Variants in STX10 observed in about 807,000 individuals in gnomAD.
STX10 encodes the protein syntaxin 10, also known as syntaxin-10.
A neutral mutation model predicts 34.1 loss-of-function variants in STX10; 35 were observed. The ratio of observed to expected loss-of-function variants is 1.03; its 90% CI spans 0.78 to 1.36. STX10 has a LOEUF of 1.36. Ranked by LOEUF, STX10 falls within the 40% of genes most tolerant of loss-of-function variation. STX10 has a pLI of 0.00. For missense variants in STX10, 361 were observed against 335.5 expected (o/e 1.08, Z -0.59); for synonymous variants, 155 against 132.9 (o/e 1.17, Z -1.15).
chr19:13,149,185 G>GT, intron 3 of STX10, 94 bp from the exon 4 acceptor site: 3 of 1,126,686 alleles, frequency 2.7e-6, no homozygotes, highest in Non-Finnish European at 3.9e-6. Flanking sequence ...ACCAAGCCGG[G>GT]TGGATCACCT....
intron 3 of STX10, 70 bp downstream of exon 3, chr19:13,149,429 A>AG: frequency 8.9e-7 from 1 of 1,129,052 alleles, no homozygotes; most frequent in Non-Finnish European, 1.3e-6. Flanking sequence ...AAAAAAAAAA[A>AG]GAAAGAAAGA....
Position 13,150,252 on chromosome 19 carries a change from G to A in STX10, c.-79C>T, listed in dbSNP as rs2020033216. 6 of 671,286 alleles carry A rather than the reference G, an allele frequency of 8.9e-6. No homozygotes were observed. In the East Asian group the frequency reaches 1.7e-4, roughly 19 times the overall value. The allele number at this position is 671,286 out of a possible 1,614,324, so 41.6% of individuals were successfully genotyped here. On this transcript the variant is annotated 5_prime_UTR_variant, in exon 1 of 8. Coordinates refer to ENST00000587230, the MANE Select transcript of STX10 (RefSeq NM_003765.3). This position sits in a 1 kb window ranked among gnomAD's most constrained non-coding sequence, Gnocchi z 4.0. ...TGGTTCCCTCCCAACCGAGGAGAACGCGCCGCCACCCCCGCCCCCGTCACG... is the reference window on the plus strand; with the variant it reads ...TGGTTCCCTCCCAACCGAGGAGAACACGCCGCCACCCCCGCCCCCGTCACG...
At chr19:13,148,001 T>C (rs1461268602) in intron 4 of STX10, among the ~76,000 whole-genome samples, 2 of 127,102 alleles carry the variant, frequency 1.6e-5, no homozygotes, top group Non-Finnish European at 3.1e-5. Context: ...GAGGCGGAGG[T>C]TGCAGTGAGC....
At chr19:13,146,886 G>A (rs1390091174) in intron 4 of STX10, among the ~76,000 whole-genome samples, 1 of 152,010 alleles carries the variant, frequency 6.6e-6, no homozygotes, top group Non-Finnish European at 1.5e-5. Context: ...CCCCAAGGCA[G>A]CACATCTGGA....
Position 13,149,097 on chromosome 19 carries a change from G to A in STX10, c.301-6C>T, listed in dbSNP as rs1600023895. On this transcript the variant is annotated splice_polypyrimidine_tract_variant and splice_region_variant and intron_variant, in intron 3 of 7. Coordinates refer to ENST00000587230, the MANE Select transcript of STX10 (RefSeq NM_003765.3). ...ACCATATGGTCCTTCATTTCCTGGA[G>A]GTAAGGACAGCATTAGGGAGGAAAG... The A allele has an allele frequency of 4.4e-6, 7 of 1,590,322 alleles. No individual in the cohort carries two copies. The highest frequency in any genetic ancestry group is 2.3e-5 in the East Asian group (1 of 43,760).
At position 13,150,065 on chromosome 19, in the gene STX10, C is replaced by G. The variant is rs887057925; in HGVS notation, c.35+74G>C. ...GGCCTTGCCCAGCCCGCCGGGCACG[C>G]TGGGGCCGGCACCCGGGCACTGGCT... On this transcript the variant is annotated intron_variant, in intron 1 of 7. Transcript: ENST00000587230. This position sits in a 1 kb window ranked among gnomAD's most constrained non-coding sequence, Gnocchi z 4.0. 1.2e-5 allele frequency: 14 copies of G among 1,159,108 alleles called. No individual in the cohort carries two copies. The African/African-American group carries it at 1.8e-4, about 15-fold the overall frequency. The allele number at this position is 1,159,108 out of a possible 1,614,324, so 71.8% of individuals were successfully genotyped here.
At chr19:13,145,925 G>A (rs1261625152) in intron 4 of STX10, among the ~76,000 whole-genome samples, 1 of 151,384 alleles carries the variant, frequency 6.6e-6, no homozygotes, top group South Asian at 2.1e-4. Context: ...TAGGGAGGCT[G>A]AGGCAGGTCA....
Position 13,144,116 on chromosome 19 carries a change from GC to G in STX10, c.*293del. ...GTTGGCACGTGTATAAGGCACAGGG[GC>G]AAATGGCTTTGGGGTCCTGGAACTG... On this transcript the variant is annotated 3_prime_UTR_variant, in exon 8 of 8. Transcript: ENST00000587230. 2.1e-6 allele frequency: 1 copy of G among 482,156 alleles called. No individual in the cohort carries two copies. Among genetic ancestry groups the G allele is most frequent in the Non-Finnish European group, 3.8e-6 (1 of 266,542 alleles). 29.9% of individuals were successfully genotyped at this position (482,156 alleles called of 1,614,324 possible).
At position 13,150,297 on chromosome 19, in the gene STX10, C is replaced by A; in HGVS notation, c.-124G>T. The stretch of plus-strand genomic sequence containing the variant: ...GTCACGCCACCATCGAGAGCCGGAC[C>A]GCCAGGGGAGAAAGAGAAGCCTCGG... On this transcript the variant is annotated 5_prime_UTR_variant, in exon 1 of 8. Coordinates refer to ENST00000587230, the MANE Select transcript of STX10 (RefSeq NM_003765.3). This position sits in a 1 kb window ranked among gnomAD's most constrained non-coding sequence, Gnocchi z 4.0. The A allele has an allele frequency of 1.6e-6, 1 of 626,762 alleles. No individual in the cohort carries two copies. Among genetic ancestry groups the A allele is most frequent in the East Asian group, 2.9e-5 (1 of 34,516 alleles). The allele number at this position is 626,762 out of a possible 1,614,324, so 38.8% of individuals were successfully genotyped here.
At chr19:13,148,921 C>T in intron 4 of STX10, 108 bp downstream of exon 4, 1 of 862,494 alleles carries the variant, frequency 1.2e-6, no homozygotes, top group Non-Finnish European at 1.9e-6. Flanking sequence ...TAACTGCCCA[C>T]AGAGAGGACG....
At position 13,150,102 on chromosome 19, in the gene STX10, A is replaced by G. The variant is rs565251860; in HGVS notation, c.35+37T>C. The stretch of plus-strand genomic sequence containing the variant: ...CCCGGGCACTGGCTGGCTTGGGTAC[A>G]GAGCACCCTCCGCCCTCCCCCGTCG... On this transcript the variant is annotated intron_variant, in intron 1 of 7. Coordinates refer to ENST00000587230, the MANE Select transcript of STX10 (RefSeq NM_003765.3). The surrounding 1 kb of genome is among the most constrained non-coding windows in gnomAD (Gnocchi z 4.0). The G allele has an allele frequency of 2.1e-5, 24 of 1,127,330 alleles. 1 individual carries two copies. In the Admixed American group the frequency reaches 2.5e-4, roughly 12 times the overall value. 69.8% of individuals were successfully genotyped at this position (1,127,330 alleles called of 1,614,324 possible).
At chr19:13,147,329 G>A (rs945234617) in intron 4 of STX10, among the ~76,000 whole-genome samples, 5 of 151,990 alleles carry the variant, frequency 3.3e-5, no homozygotes, top group Admixed American at 6.6e-5. Flanking sequence ...GCTGGGCATG[G>A]TGGCACACTC....
Position 13,144,795 on chromosome 19 carries a change from G to C in STX10, c.547C>G (p.Arg183Gly), listed in dbSNP as rs369337051. 3.1e-6 allele frequency: 5 copies of C among 1,613,948 alleles called. No individual in the cohort carries two copies. Among genetic ancestry groups the C allele is most frequent in the Non-Finnish European group, 4.2e-6 (5 of 1,180,006 alleles). ...TGCTCGTCCAGCTCTTCTCCAACGC[G>C]GCCGGACATGTGCTTCAGAACCTGG... ...SIQVLKHMSG[R>G]VGEELDEQGI... Residue 183 changes from arginine (R) to glycine (G), a missense_variant, in exon 6 of 8, where the codon CGC (arginine) becomes GGC (glycine). By Grantham distance (125) the Arg-to-Gly change is moderately radical. Transcript: ENST00000587230.
chr19:13,145,347 C>T lies in STX10; in HGVS notation c.412G>A (p.Asp138Asn). ...GATGTGGCCGAGACTGCGCTGGCAT[C>T]CAGCAGGTCGCTGGGTGACTTCTGG... The part of the protein sequence containing the change: ...AAQKSPSDLL[D>N]ASAVSATSRY... Residue 138 changes from aspartate (D) to asparagine (N), a missense_variant, in exon 5 of 8, where the codon GAT becomes AAT. Physicochemically the swap from Asp to Asn is conservative, Grantham distance 23 (BLOSUM62 1). Coordinates refer to ENST00000587230, the MANE Select transcript of STX10 (RefSeq NM_003765.3). 6.2e-7 allele frequency: 1 copy of T among 1,612,028 alleles called. No individual in the cohort carries two copies. Among genetic ancestry groups the T allele is most frequent in the Non-Finnish European group, 8.5e-7 (1 of 1,179,964 alleles).
intron 4 of STX10, among the ~76,000 whole-genome samples, chr19:13,148,102 G>A (rs1330590963): frequency 6.6e-6 from 1 of 150,742 alleles, no homozygotes; most frequent in African/African-American, 2.4e-5. Flanking sequence ...AGTTATGTGC[G>A]ATGGCTCACG....
At chr19:13,149,991 C>T in intron 1 of STX10, 94 bp from the exon 2 acceptor site, 2 of 1,471,960 alleles carry the variant, frequency 1.4e-6, no homozygotes, top group Non-Finnish European at 1.8e-6. Flanking sequence ...TGGGGGACTC[C>T]GGAGACCCCT....
intron 4 of STX10, 79 bp downstream of exon 4, chr19:13,148,950 A>T (rs1247299501): frequency 8.2e-7 from 1 of 1,221,378 alleles, no homozygotes; most frequent in Non-Finnish European, 1.2e-6. Context: ...CGCAAAAGGG[A>T]CAGGTGAACA....
intron 4 of STX10, 113 bp downstream of exon 4, chr19:13,148,916 G>T: frequency 1.2e-6 from 1 of 806,262 alleles, no homozygotes; most frequent in Non-Finnish European, 2.0e-6. Flanking sequence ...GAAGATAACT[G>T]CCCACAGAGA....
In STX10 at chr19:13,144,142, G is replaced by A. The variant is rs1377572188; in HGVS notation, c.*268C>T. 3 of 523,368 alleles carry A rather than the reference G, an allele frequency of 5.7e-6. No homozygotes were observed. The highest frequency in any genetic ancestry group is 1.0e-5 in the Non-Finnish European group (3 of 292,818). The allele number at this position is 523,368 out of a possible 1,614,324, so 32.4% of individuals were successfully genotyped here. ...CAAATGGCTTTGGGGTCCTGGAACTGGAAATGGAGACAGGTGTGTCTCAGG... is the reference window on the plus strand; with the variant it reads ...CAAATGGCTTTGGGGTCCTGGAACTAGAAATGGAGACAGGTGTGTCTCAGG... On this transcript the variant is annotated 3_prime_UTR_variant, in exon 8 of 8. Coordinates refer to ENST00000587230, the MANE Select transcript of STX10 (RefSeq NM_003765.3).
Sources: gnomAD v4.1 joint callset for allele counts (sites outside exome capture counted in the v4.1 genomes callset) on GRCh38, gnomAD v4.1.1 for gene constraint, Gnocchi (gnomAD v3.1) non-coding constraint, MANE v1.5 for transcripts, NCBI Gene and HGNC (gene_info 2026-07-23, HGNC 2026-07-21) for gene names.